Variants in XKR4 observed in about 807,000 individuals in gnomAD.
The protein encoded by XKR4 is XK-related protein 4.
XKR4 carries 12 observed loss-of-function variants against 53.9 expected under a neutral mutation model. That is an observed-to-expected ratio of 0.22 (90% confidence interval 0.14 to 0.36). The LOEUF (loss-of-function observed/expected upper bound fraction) is 0.36. XKR4 is among the 10% of genes least tolerant of loss of function. XKR4 has a pLI of 1.00. For synonymous variants in XKR4, 354 were observed against 362.4 expected (o/e 0.98, Z 0.26); for missense variants, 799 against 859.5 (o/e 0.93, Z 0.88).
Position 55,491,442 on chromosome 8 carries a change from T to C in XKR4, c.1007-31839T>C, listed in dbSNP as rs546445721. 1.1e-3 allele frequency among the ~76,000 whole-genome samples: 166 copies of C among 152,198 alleles called. 2 individuals carry two copies. In the South Asian group the frequency reaches 0.013, roughly 12 times the overall value. ...TTTGAAAGAGTGTTGAATTTTGTCC[T>C]GGCAGGCAATTAACTTACCTGTGGA... On this transcript the variant is annotated intron_variant, in intron 2 of 2. Transcript: ENST00000327381.
intron 2 of XKR4, among the ~76,000 whole-genome samples, chr8:55,432,147 G>C (rs190930201): frequency 2.0e-5 from 3 of 152,336 alleles, no homozygotes; most frequent in Admixed American, 2.0e-4. Flanking sequence ...GCATTGGCTT[G>C]TGTGTGTGCT....
At chr8:55,141,749 C>A (rs1221120274) in intron 1 of XKR4, among the ~76,000 whole-genome samples, 5 of 150,444 alleles carry the variant, frequency 3.3e-5, no homozygotes. Context: ...AGTAATAGTC[C>A]CTAAAACAGC....
At chr8:55,339,548 C>T (rs1478937086) in intron 1 of XKR4, among the ~76,000 whole-genome samples, 1 of 152,210 alleles carries the variant, frequency 6.6e-6, no homozygotes, top group Non-Finnish European at 1.5e-5. Flanking sequence ...GACTGCCCCT[C>T]AGTCACCATT....
chr8:55,328,595 C>T (rs1050739616), intron 1 of XKR4, among the ~76,000 whole-genome samples: 19 of 152,334 alleles, frequency 1.2e-4, no homozygotes, highest in African/African-American at 4.3e-4. Context: ...AATCCAATCT[C>T]CTCAGAGTAG....
At chr8:55,142,172 T>G (rs1220391347) in intron 1 of XKR4, 1 of 456,134 alleles carries the variant, frequency 2.2e-6, no homozygotes, top group Non-Finnish European at 4.4e-6. Context: ...GCTGCTCTCC[T>G]GAGCGCTTTG....
intron 1 of XKR4, among the ~76,000 whole-genome samples, chr8:55,137,150 G>C (rs763988356): frequency 1.1e-4 from 16 of 152,174 alleles, no homozygotes; most frequent in Non-Finnish European, 2.2e-4. Flanking sequence ...CTCCTGGGAA[G>C]ATAGCCCAAT....
intron 1 of XKR4, among the ~76,000 whole-genome samples, chr8:55,296,104 T>C (rs1819097129): frequency 6.6e-6 from 1 of 152,140 alleles, no homozygotes; most frequent in Non-Finnish European, 1.5e-5. Context: ...GTTCCTTACA[T>C]TTTGTTGCTC....
intron 2 of XKR4, among the ~76,000 whole-genome samples, chr8:55,446,903 G>T (rs1476942430): frequency 6.6e-6 from 1 of 152,142 alleles, no homozygotes; most frequent in African/African-American, 2.4e-5. Context: ...AAGCAATAGT[G>T]CCTGCCCCAA....
rs1805517069 is a variant in XKR4, at chr8:55,454,304, A to AC, written c.1007-68973dup. 14 of 1,460,776 alleles carry AC rather than the reference A, an allele frequency of 9.6e-6. 1 individual carries two copies. In the South Asian group the frequency reaches 1.5e-4, roughly 15 times the overall value. 90.5% of individuals were successfully genotyped at this position (1,460,776 alleles called of 1,614,324 possible). A position where few individuals can be genotyped will look rare whatever the true frequency, so the allele number is the denominator to read the frequency against. On this transcript the variant is annotated intron_variant, in intron 2 of 2. Transcript: ENST00000327381. ...GGTCTCTGCCTGGAAGGCCGCATTG[A>AC]CCCCGATTATGAAGGGCGTGGGTGT...
intron 1 of XKR4, among the ~76,000 whole-genome samples, chr8:55,162,833 C>G (rs1270867549): frequency 6.6e-6 from 1 of 152,102 alleles, no homozygotes; most frequent in African/African-American, 2.4e-5. Flanking sequence ...AAAAACTGTA[C>G]TATATATGCA....
intron 1 of XKR4, among the ~76,000 whole-genome samples, chr8:55,335,860 C>T (rs1281998936): frequency 6.6e-6 from 1 of 151,940 alleles, no homozygotes. Flanking sequence ...ATATAACATT[C>T]TTGAACTGTC....
chr8:55,470,979 A>T (rs1315903532), intron 2 of XKR4, among the ~76,000 whole-genome samples: 2 of 152,184 alleles, frequency 1.3e-5, no homozygotes, highest in African/African-American at 4.8e-5. Flanking sequence ...CCATCAGGAC[A>T]TTTTAAATAA....
intron 2 of XKR4, among the ~76,000 whole-genome samples, chr8:55,430,283 G>A (rs1239769176): frequency 6.6e-6 from 1 of 152,110 alleles, no homozygotes; most frequent in Non-Finnish European, 1.5e-5. Context: ...ATATGACCAA[G>A]CCATTGCACT....
intron 1 of XKR4, among the ~76,000 whole-genome samples, chr8:55,217,738 T>TTAGATAGA (rs71256520): frequency 0.015 from 2,253 of 149,324 alleles, 19 homozygotes; most frequent in African/African-American, 0.024. Context: ...GGAAGACAGA[T>TTAGATAGA]TAGATAGATA....
intron 1 of XKR4, among the ~76,000 whole-genome samples, chr8:55,304,088 G>T (rs937080368): frequency 1.3e-5 from 2 of 152,066 alleles, no homozygotes; most frequent in African/African-American, 2.4e-5. Context: ...TAATTGTGAC[G>T]TTAGGGTGTC....
intron 1 of XKR4, among the ~76,000 whole-genome samples, chr8:55,251,640 A>C (rs762452105): frequency 5.9e-5 from 9 of 152,188 alleles, no homozygotes; most frequent in Non-Finnish European, 1.3e-4. Context: ...CAAAACTCTA[A>C]ATCTCTAAAC....
At chr8:55,201,259 A>G (rs1421196891) in intron 1 of XKR4, among the ~76,000 whole-genome samples, 1 of 152,230 alleles carries the variant, frequency 6.6e-6, no homozygotes, top group Non-Finnish European at 1.5e-5. Flanking sequence ...ATAAAGAGGT[A>G]CTGAAAAATA....
At chr8:55,365,877 G>A (rs1803975650) in intron 2 of XKR4, among the ~76,000 whole-genome samples, 1 of 152,184 alleles carries the variant, frequency 6.6e-6, no homozygotes, top group African/African-American at 2.4e-5. Context: ...AGACCTCTAG[G>A]GAAGGGTACT....
chr8:55,454,800 G>T, intron 2 of XKR4: 1 of 771,500 alleles, frequency 1.3e-6, no homozygotes, highest in Non-Finnish European at 2.4e-6. Flanking sequence ...GGGCAGATGG[G>T]CAGGCTCTGT....
Sources: allele counts gnomAD v4.1 joint callset (sites outside exome capture counted in the v4.1 genomes callset), GRCh38; gene constraint gnomAD v4.1.1; transcripts MANE v1.5; gene names NCBI Gene and HGNC (gene_info 2026-07-23, HGNC 2026-07-21).